Variants in TRIM62 observed in about 807,000 individuals in gnomAD.
TRIM62 encodes E3 ubiquitin-protein ligase TRIM62.
Under a neutral mutation model 44.2 loss-of-function variants are expected in TRIM62, and 39 were observed. That is an observed-to-expected ratio of 0.88 (90% CI 0.68 to 1.15). TRIM62 has a LOEUF of 1.15. Among genes scored for constraint, TRIM62 ranks in the 50% most tolerant of loss-of-function variants. TRIM62 has a pLI of 0.00. For missense variants in TRIM62, 544 were observed against 665.5 expected (o/e 0.82, Z 2.01); for synonymous variants, 278 against 292.3 (o/e 0.95, Z 0.50).
rs1031782018 is a variant in TRIM62, at chr1:33,161,167, A to G, written c.505-1223T>C. The stretch of plus-strand genomic sequence containing the variant: ...GTTGTGCGCACTCCAAGGCGCAGAG[A>G]AAGAGCCTGGTTATTGAAGACTGCA... On this transcript the variant is annotated intron_variant, in intron 2 of 4. Coordinates refer to ENST00000291416, the MANE Select transcript of TRIM62 (RefSeq NM_018207.3). This position sits in a 1 kb window ranked among gnomAD's most constrained non-coding sequence, Gnocchi z 4.3. Among the ~76,000 whole-genome samples, 2 of 152,244 alleles carry G rather than the reference A, an allele frequency of 1.3e-5. No individual in the cohort carries two copies. The highest frequency in any genetic ancestry group is 2.9e-5 in the Non-Finnish European group (2 of 68,040).
intron 4 of TRIM62, among the ~76,000 whole-genome samples, chr1:33,151,226 C>T (rs980094904): frequency 3.3e-5 from 5 of 152,072 alleles, no homozygotes; most frequent in Admixed American, 6.5e-5. Context: ...CCCTGGCGAG[C>T]GGACCTGTGC....
chr1:33,166,342 C>G (rs889225599), intron 1 of TRIM62: 3 of 152,074 alleles, frequency 2.0e-5, no homozygotes, highest in African/African-American at 4.8e-5. Flanking sequence ...ACCCCCACCC[C>G]CTGCGGTTTG....
In TRIM62 at chr1:33,147,907, G is replaced by A. The variant is rs1377761596; in HGVS notation, c.878-180C>T. Among the ~76,000 whole-genome samples, 1 of 152,216 alleles carries A rather than the reference G, an allele frequency of 6.6e-6. No homozygotes were observed. Among genetic ancestry groups the A allele is most frequent in the African/African-American group, 2.4e-5 (1 of 41,450 alleles). ...TCTTCCTCCTCTGTAGAATGGAAGG[G>A]TGGTGGTTAAGGTCCTTCCAGATAT... On this transcript the variant is annotated intron_variant, in intron 4 of 4. Coordinates refer to ENST00000291416, the MANE Select transcript of TRIM62 (RefSeq NM_018207.3). The surrounding 1 kb of genome is among the most constrained non-coding windows in gnomAD (Gnocchi z 8.1).
At chr1:33,148,809 C>T (rs1385877530) in intron 4 of TRIM62, among the ~76,000 whole-genome samples, 2 of 152,114 alleles carry the variant, frequency 1.3e-5, no homozygotes, top group Non-Finnish European at 2.9e-5. Context: ...GATTGAAAAC[C>T]ATGAATTCTA....
rs1293562302 is a variant in TRIM62 at position 33,162,267 on chromosome 1, A to T, written c.505-2323T>A. On this transcript the variant is annotated intron_variant, in intron 2 of 4. Coordinates refer to ENST00000291416, the MANE Select transcript of TRIM62 (RefSeq NM_018207.3). ...CAATTTAACCCTAGCTTACCTCCCT[A>T]GCGCCACTGCATTGCAACTCCACCT... Among the ~76,000 whole-genome samples, 5 of 152,230 alleles carry T rather than the reference A, an allele frequency of 3.3e-5. No homozygotes were observed. The East Asian group carries it at 9.7e-4, about 29-fold the overall frequency.
At position 33,161,703 on chromosome 1, in the gene TRIM62, T is replaced by TG. The variant is rs1645270581; in HGVS notation, c.505-1760dup. On this transcript the variant is annotated intron_variant, in intron 2 of 4. Transcript: ENST00000291416. This position sits in a 1 kb window ranked among gnomAD's most constrained non-coding sequence, Gnocchi z 4.3. ...AGCGGCATGTTGCTGATGGGGAAGA[T>TG]GGGGTCCGTCGTCCCTGCACCACCT... is the stretch of plus-strand genomic sequence containing the variant. Among the ~76,000 whole-genome samples, 1 of 152,102 alleles carries TG rather than the reference T, an allele frequency of 6.6e-6. No homozygotes were observed. Among genetic ancestry groups the TG allele is most frequent in the South Asian group, 2.1e-4 (1 of 4,824 alleles).
In TRIM62 at chr1:33,165,581, G is replaced by C. The variant is rs201106792; in HGVS notation, c.409-15C>G. ...TTCAGCTCCCTCTGAAACACACACA[G>C]GGCCGGGATGGGGGCAGGGGCCATG... On this transcript the variant is annotated splice_polypyrimidine_tract_variant and intron_variant, in intron 1 of 4. Transcript: ENST00000291416. The surrounding 1 kb of genome is among the most constrained non-coding windows in gnomAD (Gnocchi z 4.0). 4 of 1,594,784 alleles carry C rather than the reference G, an allele frequency of 2.5e-6. No homozygotes were observed. The highest frequency in any genetic ancestry group is 2.3e-5 in the East Asian group (1 of 44,000).
intron 1 of TRIM62, among the ~76,000 whole-genome samples, chr1:33,174,735 G>A (rs1478967703): frequency 6.6e-6 from 1 of 152,014 alleles, no homozygotes; most frequent in Non-Finnish European, 1.5e-5. Flanking sequence ...TATCTTTTAG[G>A]ATTCAGCTCA....
intron 1 of TRIM62, among the ~76,000 whole-genome samples, chr1:33,173,095 T>C (rs558239724): frequency 1.3e-5 from 2 of 152,250 alleles, no homozygotes; most frequent in East Asian, 3.9e-4. Context: ...TGCCTCTCCC[T>C]TTCCTCCCCC....
At chr1:33,175,558 C>A (rs1046448004) in intron 1 of TRIM62, among the ~76,000 whole-genome samples, 5 of 152,158 alleles carry the variant, frequency 3.3e-5, no homozygotes, top group African/African-American at 1.2e-4. Flanking sequence ...GATGGTTTCT[C>A]AGGTTCCTCC....
At chr1:33,152,917 ATGGGCTGCCT>A (rs1310547444) in intron 4 of TRIM62, among the ~76,000 whole-genome samples, 1 of 152,046 alleles carries the variant, frequency 6.6e-6, no homozygotes, top group Admixed American at 6.6e-5. Flanking sequence ...CCTTGGGACA[ATGGGCTGCCT>A]GGCCTGGCTG....
chr1:33,171,561 T>C (rs1256466997), intron 1 of TRIM62, among the ~76,000 whole-genome samples: 1 of 152,108 alleles, frequency 6.6e-6, no homozygotes, highest in East Asian at 1.9e-4. Flanking sequence ...ACCCAATGAG[T>C]GTCAGGCTTT....
intron 1 of TRIM62, among the ~76,000 whole-genome samples, chr1:33,171,395 G>A (rs1209043724): frequency 6.6e-6 from 1 of 152,108 alleles, no homozygotes; most frequent in East Asian, 1.9e-4. Flanking sequence ...CTCACAGAGG[G>A]GGAAATTGAG....
At position 33,161,703 on chromosome 1, in the gene TRIM62, T is replaced by A. The variant is rs1474501869; in HGVS notation, c.505-1759A>T. On this transcript the variant is annotated intron_variant, in intron 2 of 4. Transcript: ENST00000291416. The surrounding 1 kb of genome is among the most constrained non-coding windows in gnomAD (Gnocchi z 4.3). ...AGCGGCATGTTGCTGATGGGGAAGA[T>A]GGGGTCCGTCGTCCCTGCACCACCT... is the stretch of plus-strand genomic sequence containing the variant. Among the ~76,000 whole-genome samples the A allele has an allele frequency of 6.6e-6, 1 of 152,220 alleles. No individual in the cohort carries two copies. Among genetic ancestry groups the A allele is most frequent in the East Asian group, 1.9e-4 (1 of 5,180 alleles).
chr1:33,181,833 G>A lies in TRIM62; in HGVS notation c.-401C>T, dbSNP rs1177840086. ...AGGGGGTCGAAATCCCGGGGTGGGG[G>A]CGGTGCGGGGAGGGCGAGAAGCTGG... On this transcript the variant is annotated 5_prime_UTR_variant, in exon 1 of 5. Transcript: ENST00000291416. The surrounding 1 kb of genome is among the most constrained non-coding windows in gnomAD (Gnocchi z 6.5). Among the ~76,000 whole-genome samples, 11 of 151,304 alleles carry A rather than the reference G, an allele frequency of 7.3e-5. No individual in the cohort carries two copies. The highest frequency in any genetic ancestry group is 1.9e-4 in the African/African-American group (8 of 41,124).
Position 33,167,922 on chromosome 1 carries a change from G to A in TRIM62, c.409-2356C>T, listed in dbSNP as rs147149592. Among the ~76,000 whole-genome samples, 387 of 152,324 alleles carry A rather than the reference G, an allele frequency of 2.5e-3. 2 individuals carry two copies. Among genetic ancestry groups the A allele is most frequent in the Admixed American group, 0.011 (161 of 15,304 alleles). ...CTATTATGTACCAGGCACTGTTGAG[G>A]CACTGGGATTATGGCGAAGGACAAG... is the stretch of plus-strand genomic sequence containing the variant. On this transcript the variant is annotated intron_variant, in intron 1 of 4. Coordinates refer to ENST00000291416, the MANE Select transcript of TRIM62 (RefSeq NM_018207.3). The surrounding 1 kb of genome is among the most constrained non-coding windows in gnomAD (Gnocchi z 4.2).
At chr1:33,153,871 T>A (rs1382450662) in intron 4 of TRIM62, among the ~76,000 whole-genome samples, 1 of 152,236 alleles carries the variant, frequency 6.6e-6, no homozygotes, top group Non-Finnish European at 1.5e-5. Flanking sequence ...CTGTGCTAGC[T>A]GCTGGGAGTG....
In TRIM62 at chr1:33,156,963, C is replaced by T. The variant is rs568044524; in HGVS notation, c.877+1290G>A. Reference sequence around the variant, plus strand: ...CCTCCACTACCACCACCCTGCTTCACGCCCACATCACCTCTTGCCTGGATT... The same window carrying T: ...CCTCCACTACCACCACCCTGCTTCATGCCCACATCACCTCTTGCCTGGATT... On this transcript the variant is annotated intron_variant, in intron 4 of 4. Coordinates refer to ENST00000291416, the MANE Select transcript of TRIM62 (RefSeq NM_018207.3). Among the ~76,000 whole-genome samples, 261 of 141,536 alleles carry T rather than the reference C, an allele frequency of 1.8e-3. 1 individual carries two copies. The highest frequency in any genetic ancestry group is 6.0e-3 in the African/African-American group (233 of 38,870). 92.9% of individuals were successfully genotyped at this position (141,536 alleles called of 152,430 possible).
intron 2 of TRIM62, 95 bp from the exon 3 acceptor site, chr1:33,160,039 G>C (rs947209007): frequency 6.8e-7 from 1 of 1,462,410 alleles, no homozygotes; most frequent in Admixed American, 2.0e-5. Context: ...CACACAGAGA[G>C]GAAAGGGTGG....
Sources: gnomAD v4.1 joint callset for allele counts (sites outside exome capture counted in the v4.1 genomes callset) on GRCh38, gnomAD v4.1.1 for gene constraint, Gnocchi (gnomAD v3.1) non-coding constraint, MANE v1.5 for transcripts, NCBI Gene and HGNC (gene_info 2026-07-23, HGNC 2026-07-21) for gene names.